The following NET1 variants were observed in gnomAD, a reference collection of about 807,000 sequenced individuals.
The protein encoded by NET1 is neuroepithelial cell transforming 1, also known as neuroepithelial cell-transforming gene 1 protein.
A neutral mutation model predicts 61.1 loss-of-function variants in NET1; 42 were observed. The observed-to-expected ratio is 0.69, with a 90% CI of 0.54 to 0.89. NET1 has a LOEUF of 0.89. Among genes scored for constraint, NET1 ranks in the 40% least tolerant of loss-of-function variants. The pLI is 0.00. For missense variants in NET1, 654 were observed against 747.3 expected (o/e 0.88, Z 1.46); for synonymous variants, 254 against 281.8 (o/e 0.90, Z 0.99).
chr10:5,442,848 G>A (rs1378756676), intron 3 of NET1, among the ~76,000 whole-genome samples: 1 of 146,420 alleles, frequency 6.8e-6, no homozygotes, highest in Non-Finnish European at 1.5e-5. Context: ...TGGCACTCCA[G>A]CCTGGACAAC....
In NET1 at chr10:5,454,147, C is replaced by G; in HGVS notation, c.769-118C>G. 1 of 1,057,988 alleles carries G rather than the reference C, an allele frequency of 9.5e-7. No individual in the cohort carries two copies. The highest frequency in any genetic ancestry group is 1.6e-5 in the South Asian group (1 of 62,074). 65.5% of individuals were successfully genotyped at this position (1,057,988 alleles called of 1,614,324 possible). ...CCATTATTATCTGCCAGAAAATGTC[C>G]ACAGCTTGTTAAAACTCTCAAGAAT... On this transcript the variant is annotated intron_variant, in intron 8 of 11. Transcript: ENST00000355029. This position sits in a 1 kb window ranked among gnomAD's most constrained non-coding sequence, Gnocchi z 8.1.
At position 5,454,947 on chromosome 10, in the gene NET1, G is replaced by C; in HGVS notation, c.1027-1G>C. ...CTGTCAATTTTATTTATCATTTTCA[G>C]ATATTGATAATACAGGGAGTCCTCT... is the stretch of plus-strand genomic sequence containing the variant. On this transcript the variant is annotated splice_acceptor_variant, in intron 9 of 11. Transcript: ENST00000355029. LOFTEE classifies it high-confidence loss of function. The surrounding 1 kb of genome is among the most constrained non-coding windows in gnomAD (Gnocchi z 8.1). 6.2e-7 allele frequency: 1 copy of C among 1,613,212 alleles called. No homozygotes were observed. Among genetic ancestry groups the C allele is most frequent in the Non-Finnish European group, 8.5e-7 (1 of 1,179,436 alleles).
At position 5,439,669 on chromosome 10, in the gene NET1, T is replaced by A. The variant is rs949803783; in HGVS notation, c.255+10440T>A. ...CCTGGGGCTGCTTTTCAAACCGGAG[T>A]CATTTTCTGCTGTGGAAAGCAGAGC... On this transcript the variant is annotated intron_variant, in intron 3 of 11. Transcript: ENST00000355029. The surrounding 1 kb of genome is among the most constrained non-coding windows in gnomAD (Gnocchi z 4.8). 6.6e-6 allele frequency among the ~76,000 whole-genome samples: 1 copy of A among 152,102 alleles called. No individual in the cohort carries two copies. The highest frequency in any genetic ancestry group is 6.5e-5 in the Admixed American group (1 of 15,280).
In NET1 at chr10:5,453,112, T is replaced by C. The variant is rs116440605; in HGVS notation, c.595-138T>C. On this transcript the variant is annotated intron_variant, in intron 6 of 11. Coordinates refer to ENST00000355029, the MANE Select transcript of NET1 (RefSeq NM_001047160.3). The surrounding 1 kb of genome is among the most constrained non-coding windows in gnomAD (Gnocchi z 4.9). ...GTAAGAGAGTTTATTTGGGGATTAA[T>C]ACATACTAATTTATTTTATGTGTAG... 1,586 of 731,834 alleles carry C rather than the reference T, an allele frequency of 2.2e-3. 12 individuals are homozygous for C. In the African/African-American group the frequency reaches 0.025, roughly 12 times the overall value. 45.3% of individuals were successfully genotyped at this position (731,834 alleles called of 1,614,324 possible). A position where few individuals can be genotyped will look rare whatever the true frequency, so the allele number is the denominator to read the frequency against.
chr10:5,413,247 C>T (rs571090404), intron 1 of NET1, among the ~76,000 whole-genome samples: 2 of 152,314 alleles, frequency 1.3e-5, no homozygotes, highest in East Asian at 3.9e-4. Context: ...GCACACCCAA[C>T]TGGCTGTAGG....
At position 5,446,943 on chromosome 10, in the gene NET1, T is replaced by G. The variant is rs1202838947; in HGVS notation, c.256-4887T>G. 3 of 1,070,062 alleles carry G rather than the reference T, an allele frequency of 2.8e-6. No homozygotes were observed. The highest frequency in any genetic ancestry group is 4.0e-6 in the Non-Finnish European group (3 of 756,020). The allele number at this position is 1,070,062 out of a possible 1,614,324, so 66.3% of individuals were successfully genotyped here. ...AAAATTTTTAACAAGGTATTAACAG[T>G]ATAATTTTAAACTTTTGATCTTATT... On this transcript the variant is annotated intron_variant, in intron 3 of 11. Coordinates refer to ENST00000355029, the MANE Select transcript of NET1 (RefSeq NM_001047160.3). The surrounding 1 kb of genome is among the most constrained non-coding windows in gnomAD (Gnocchi z 5.0).
At chr10:5,436,859 A>T (rs998435411) in intron 3 of NET1, among the ~76,000 whole-genome samples, 1 of 152,162 alleles carries the variant, frequency 6.6e-6, no homozygotes, top group Non-Finnish European at 1.5e-5. Context: ...TTTAGCTATG[A>T]TTTCTACTGG....
chr10:5,449,453 T>C lies in NET1; in HGVS notation c.256-2377T>C, dbSNP rs1319042923. Among the ~76,000 whole-genome samples, 3 of 152,156 alleles carry C rather than the reference T, an allele frequency of 2.0e-5. No homozygotes were observed. The highest frequency in any genetic ancestry group is 4.4e-5 in the Non-Finnish European group (3 of 68,028). ...TAAACTCTGAAAAGCAGCATTTCCT[T>C]TGTGGAGAAGTGGGATTATAGTTGG... is the stretch of plus-strand genomic sequence containing the variant. On this transcript the variant is annotated intron_variant, in intron 3 of 11. Coordinates refer to ENST00000355029, the MANE Select transcript of NET1 (RefSeq NM_001047160.3). This position sits in a 1 kb window ranked among gnomAD's most constrained non-coding sequence, Gnocchi z 4.4.
At position 5,449,935 on chromosome 10, in the gene NET1, C is replaced by T. The variant is rs1832677515; in HGVS notation, c.256-1895C>T. Among the ~76,000 whole-genome samples the T allele has an allele frequency of 6.6e-6, 1 of 152,160 alleles. No individual in the cohort carries two copies. Among genetic ancestry groups the T allele is most frequent in the African/African-American group, 2.4e-5 (1 of 41,440 alleles). On this transcript the variant is annotated intron_variant, in intron 3 of 11. Coordinates refer to ENST00000355029, the MANE Select transcript of NET1 (RefSeq NM_001047160.3). This position sits in a 1 kb window ranked among gnomAD's most constrained non-coding sequence, Gnocchi z 4.4. ...GCGGAACAGAACTTTCTGACAACTG[C>T]TTTGTTCCAGTGAAATGTCGGCATT...
At position 5,453,874 on chromosome 10, in the gene NET1, T is replaced by G. The variant is rs1832750795; in HGVS notation, c.768+314T>G. On this transcript the variant is annotated intron_variant, in intron 8 of 11. Coordinates refer to ENST00000355029, the MANE Select transcript of NET1 (RefSeq NM_001047160.3). This position sits in a 1 kb window ranked among gnomAD's most constrained non-coding sequence, Gnocchi z 4.9. Reference sequence around the variant, plus strand: ...CGCATGCCAAATGCGGGGCACTGTTTGAGGAGGAGTCGCTGGGAGTCAGTG... The same window carrying G: ...CGCATGCCAAATGCGGGGCACTGTTGGAGGAGGAGTCGCTGGGAGTCAGTG... Among the ~76,000 whole-genome samples, 1 of 152,146 alleles carries G rather than the reference T, an allele frequency of 6.6e-6. No individual in the cohort carries two copies. Among genetic ancestry groups the G allele is most frequent in the Non-Finnish European group, 1.5e-5 (1 of 68,030 alleles).
chr10:5,443,073 A>G lies in NET1; in HGVS notation c.256-8757A>G, dbSNP rs1305883584. On this transcript the variant is annotated intron_variant, in intron 3 of 11. Transcript: ENST00000355029. This position sits in a 1 kb window ranked among gnomAD's most constrained non-coding sequence, Gnocchi z 4.8. ...GAATACTGCTAGCCTGGGACTCAGG[A>G]GACTTTGGTTTTAAACTTAGGTCTA... Among the ~76,000 whole-genome samples the G allele has an allele frequency of 2.0e-5, 3 of 152,144 alleles. No individual in the cohort carries two copies. The highest frequency in any genetic ancestry group is 1.3e-4 in the Admixed American group (2 of 15,276).
chr10:5,429,356 G>A (rs1293278514), intron 3 of NET1, 127 bp downstream of exon 3: 1 of 654,612 alleles, frequency 1.5e-6, no homozygotes, highest in South Asian at 1.9e-5. Context: ...CATTTTGTAA[G>A]TGCAAAAGTG....
In NET1 at chr10:5,412,577, T is replaced by A. The variant is rs973217596; in HGVS notation, c.-116T>A. ...TTTTCAAATCCCCGGATGACGGCGG[T>A]GGCGGCTGCAGTCCGCTGACAGGCG... is the stretch of plus-strand genomic sequence containing the variant. On this transcript the variant is annotated 5_prime_UTR_variant, in exon 1 of 12. Transcript: ENST00000355029. The surrounding 1 kb of genome is among the most constrained non-coding windows in gnomAD (Gnocchi z 6.5). 9 of 1,117,694 alleles carry A rather than the reference T, an allele frequency of 8.1e-6. No individual in the cohort carries two copies. The African/African-American group carries it at 1.0e-4, about 12-fold the overall frequency. 69.2% of individuals were successfully genotyped at this position (1,117,694 alleles called of 1,614,324 possible).
intron 2 of NET1, among the ~76,000 whole-genome samples, chr10:5,428,700 G>A (rs927384118): frequency 1.5e-5 from 2 of 136,596 alleles, no homozygotes; most frequent in African/African-American, 5.3e-5. Flanking sequence ...ATTCATGAGC[G>A]TCTCTCCTCA....
Position 5,415,452 on chromosome 10 carries a change from TC to T in NET1, c.128+2633del. On this transcript the variant is annotated intron_variant, in intron 1 of 11. Coordinates refer to ENST00000355029, the MANE Select transcript of NET1 (RefSeq NM_001047160.3). This position sits in a 1 kb window ranked among gnomAD's most constrained non-coding sequence, Gnocchi z 4.7. ...GCCATCCTTTGCTCTTTTTTTTTTT[TC>T]TTTTGAGACGGAGTCTCAGTCTGTC... 6.6e-6 allele frequency among the ~76,000 whole-genome samples: 1 copy of T among 151,714 alleles called. No homozygotes were observed. Among genetic ancestry groups the T allele is most frequent in the African/African-American group, 2.4e-5 (1 of 41,384 alleles).
rs779002760 is a variant in NET1, at chr10:5,426,705, A to G, written c.179A>G (p.Asn60Ser). 6 of 1,603,212 alleles carry G rather than the reference A, an allele frequency of 3.7e-6. No individual in the cohort carries two copies. The highest frequency in any genetic ancestry group is 1.7e-5 in the Admixed American group (1 of 57,272). Residue 60 changes from asparagine (N) to serine (S), a missense_variant, in exon 2 of 12, where the codon AAC becomes AGC. Physicochemically the swap from Asn to Ser is conservative, Grantham distance 46 (BLOSUM62 1). Coordinates refer to ENST00000355029, the MANE Select transcript of NET1 (RefSeq NM_001047160.3). This position sits in a 1 kb window ranked among gnomAD's most constrained non-coding sequence, Gnocchi z 4.6. Reference sequence around the variant, plus strand: ...TTCACATTCTTAACACCTGGCCCCAACTGGGACTTCACTTTGGTGAGTAGA... The same window carrying G: ...TTCACATTCTTAACACCTGGCCCCAGCTGGGACTTCACTTTGGTGAGTAGA... ...SSFTFLTPGP[N>S]WDFTLKRKRR...
chr10:5,414,841 T>C lies in NET1; in HGVS notation c.128+2021T>C, dbSNP rs370594034. On this transcript the variant is annotated intron_variant, in intron 1 of 11. Transcript: ENST00000355029. ...GCCTAACAAGAAGCTATGGATGATA[T>C]ATAGTTTTGAAGAATGGGGTGTGTT... is the stretch of plus-strand genomic sequence containing the variant. 4.6e-4 allele frequency among the ~76,000 whole-genome samples: 70 copies of C among 152,210 alleles called. 1 individual carries two copies. Among genetic ancestry groups the C allele is most frequent in the African/African-American group, 5.3e-4 (22 of 41,520 alleles).
chr10:5,452,909 C>G lies in NET1; in HGVS notation c.583C>G (p.Leu195Val), dbSNP rs796052153. 1.2e-6 allele frequency: 2 copies of G among 1,610,576 alleles called. No homozygotes were observed. Among genetic ancestry groups the G allele is most frequent in the Admixed American group, 3.3e-5 (2 of 59,900 alleles). ...GEQDLIEDLK[L>V]ARKAYHDPML... The stretch of plus-strand genomic sequence containing the variant: ...ACAGGATTTAATTGAGGATCTCAAA[C>G]TTGCAAGAAAGGTCAGTAAATAACT... The change falls in exon 6 of 12, where the codon CTT (leucine) becomes GTT (valine). Residue 195 changes from leucine to valine, a missense_variant. Physicochemically the swap from Leu to Val is conservative, Grantham distance 32 (BLOSUM62 1). Coordinates refer to ENST00000355029, the MANE Select transcript of NET1 (RefSeq NM_001047160.3). This position sits in a 1 kb window ranked among gnomAD's most constrained non-coding sequence, Gnocchi z 4.0.
In NET1 at chr10:5,425,732, A is replaced by G. The variant is rs1041519289; in HGVS notation, c.129-923A>G. Among the ~76,000 whole-genome samples the G allele has an allele frequency of 2.6e-5, 4 of 152,350 alleles. No individual in the cohort carries two copies. The South Asian group carries it at 8.3e-4, about 32-fold the overall frequency. On this transcript the variant is annotated intron_variant, in intron 1 of 11. Coordinates refer to ENST00000355029, the MANE Select transcript of NET1 (RefSeq NM_001047160.3). ...GTCTTTTAGTCTCTGTCAAGATGCAAATGACGATAGATGACTCCCTTGTTG... is the reference window on the plus strand; with the variant it reads ...GTCTTTTAGTCTCTGTCAAGATGCAGATGACGATAGATGACTCCCTTGTTG...
Sources: gnomAD v4.1 joint callset for allele counts (sites outside exome capture counted in the v4.1 genomes callset) on GRCh38, gnomAD v4.1.1 for gene constraint, Gnocchi (gnomAD v3.1) non-coding constraint, MANE v1.5 for transcripts, NCBI Gene and HGNC (gene_info 2026-07-23, HGNC 2026-07-21) for gene names.